The following LRFN5 variants were observed in gnomAD, a reference collection of about 807,000 sequenced individuals.
The protein encoded by LRFN5 is leucine-rich repeat and fibronectin type-III domain-containing protein 5.
A neutral mutation model predicts 45.6 loss-of-function variants in LRFN5; 24 were observed. That is an observed-to-expected ratio of 0.53 (90% CI 0.38 to 0.74). The LOEUF is 0.74. LRFN5 is among the 30% of genes least tolerant of loss of function. The probability of loss-of-function intolerance (pLI) is 0.00; values close to 1 mark genes in which losing one functional copy is unlikely to be tolerated. For synonymous variants in LRFN5, 340 were observed against 313.8 expected (o/e 1.08, Z -0.88); for missense variants, 776 against 861.5 (o/e 0.90, Z 1.24).
At chr14:41,685,011 A>G (rs1882059172) in intron 1 of LRFN5, among the ~76,000 whole-genome samples, 2 of 152,234 alleles carry the variant, frequency 1.3e-5, no homozygotes, top group South Asian at 2.1e-4. Flanking sequence ...ATATTTTTCA[A>G]AGAAAGACAT....
At chr14:41,734,316 T>TTATATATATATATATA (rs60855395) in intron 1 of LRFN5, among the ~76,000 whole-genome samples, 837 of 38,708 alleles carry the variant, frequency 0.022, 125 homozygotes, top group Non-Finnish European at 0.037. Context: ...TGGACTGGTT[T>TTATATATATATATATA]TATATATATA....
At chr14:41,852,240 T>C (rs188589045) in intron 2 of LRFN5, among the ~76,000 whole-genome samples, 13 of 152,074 alleles carry the variant, frequency 8.5e-5, no homozygotes, top group Admixed American at 3.3e-4. Flanking sequence ...CTCTCAGAAG[T>C]TGGCAAATAA....
chr14:41,609,045 T>A (rs1275686676), intron 1 of LRFN5, among the ~76,000 whole-genome samples: 2 of 152,206 alleles, frequency 1.3e-5, no homozygotes, highest in African/African-American at 4.8e-5. Flanking sequence ...TTGCCAGATC[T>A]TTTTAGTAGT....
intron 2 of LRFN5, among the ~76,000 whole-genome samples, chr14:41,820,085 T>A (rs543654404): frequency 6.6e-6 from 1 of 152,100 alleles, no homozygotes; most frequent in South Asian, 2.1e-4. Flanking sequence ...TACTGTTGAT[T>A]GTGTGTTTTG....
At chr14:41,882,537 T>G (rs914028547) in intron 2 of LRFN5, among the ~76,000 whole-genome samples, 8 of 152,180 alleles carry the variant, frequency 5.3e-5, no homozygotes, top group Non-Finnish European at 1.2e-4. Flanking sequence ...TCCTCAATTT[T>G]TTTCTCGTCT....
At chr14:41,698,421 A>G (rs556917700) in intron 1 of LRFN5, among the ~76,000 whole-genome samples, 1 of 152,206 alleles carries the variant, frequency 6.6e-6, no homozygotes, top group South Asian at 2.1e-4. Context: ...AATTTGAGCA[A>G]TGTATGGAAC....
rs1298147858 is a variant in LRFN5, at chr14:41,891,618, T to C, written c.1754T>C (p.Leu585Pro). 1.9e-6 allele frequency: 3 copies of C among 1,614,200 alleles called. No individual in the cohort carries two copies. In the South Asian group the frequency reaches 3.3e-5, roughly 18 times the overall value. Residue 585 changes from leucine to proline, a missense_variant, in exon 4 of 6, where the codon CTG (leucine) becomes CCG (proline). Physicochemically the swap from Leu to Pro is moderately conservative, Grantham distance 98. Transcript: ENST00000298119. ...CAAATACAAGGCTGTAGTGTAACGC[T>C]GCCCCAGTCCGTGTCCAAACAAGCT... ...GAQIQGCSVT[L>P]PQSVSKQAVG...
At chr14:41,670,111 A>T (rs1190682880) in intron 1 of LRFN5, among the ~76,000 whole-genome samples, 2 of 145,102 alleles carry the variant, frequency 1.4e-5, no homozygotes, top group African/African-American at 5.1e-5. Context: ...ATATCTATAC[A>T]TTCATATATA....
chr14:41,893,430 A>G (rs2139166437), intron 4 of LRFN5: 3 of 985,246 alleles, frequency 3.0e-6, no homozygotes, highest in South Asian at 9.4e-5. Context: ...CTGAGAACTG[A>G]CCCATTGCTT....
At chr14:41,645,634 G>A (rs1339015870) in intron 1 of LRFN5, among the ~76,000 whole-genome samples, 3 of 152,150 alleles carry the variant, frequency 2.0e-5, no homozygotes, top group Admixed American at 2.0e-4. Flanking sequence ...AAGCATTTAA[G>A]GTCACATGTT....
rs535070068 is a variant in LRFN5, at chr14:41,644,285, G to GC, written c.-197+35724dup. On this transcript the variant is annotated intron_variant, in intron 1 of 5. Transcript: ENST00000298119. ...TTTAAATCATTTGCATTTACAACAT[G>GC]CATGTAGGCAGATTCCAAGAGTTAT... 5.2e-3 allele frequency among the ~76,000 whole-genome samples: 797 copies of GC among 152,262 alleles called. 6 individuals carry two copies. Among genetic ancestry groups the GC allele is most frequent in the African/African-American group, 0.018 (748 of 41,562 alleles).
intron 1 of LRFN5, among the ~76,000 whole-genome samples, chr14:41,685,402 G>T (rs1193079123): frequency 2.0e-5 from 3 of 152,070 alleles, no homozygotes; most frequent in African/African-American, 7.2e-5. Context: ...AAACCCACAT[G>T]CCTATTACCA....
At chr14:41,744,359 A>G (rs1365378857) in intron 1 of LRFN5, among the ~76,000 whole-genome samples, 2 of 152,174 alleles carry the variant, frequency 1.3e-5, no homozygotes, top group East Asian at 3.9e-4. Flanking sequence ...CCCTGTCTCA[A>G]ATAAATGAAA....
At chr14:41,649,455 A>G (rs1257730110) in intron 1 of LRFN5, among the ~76,000 whole-genome samples, 1 of 152,212 alleles carries the variant, frequency 6.6e-6, no homozygotes, top group African/African-American at 2.4e-5. Context: ...CTATAATAAA[A>G]TGGTATAAGT....
chr14:41,725,131 T>G (rs1017585627), intron 1 of LRFN5, among the ~76,000 whole-genome samples: 1 of 152,202 alleles, frequency 6.6e-6, no homozygotes, highest in Admixed American at 6.5e-5. Flanking sequence ...CTTACATTAA[T>G]TCTCTCATTT....
chr14:41,673,495 G>C (rs1881360396), intron 1 of LRFN5, among the ~76,000 whole-genome samples: 1 of 144,938 alleles, frequency 6.9e-6, no homozygotes, highest in African/African-American at 2.6e-5. Flanking sequence ...GGGCAGAGGG[G>C]CTCCTCACTT....
chr14:41,842,884 G>A (rs921550777), intron 2 of LRFN5, among the ~76,000 whole-genome samples: 2 of 151,820 alleles, frequency 1.3e-5, no homozygotes, highest in African/African-American at 2.4e-5. Context: ...TATGCTGAAC[G>A]CCTATTTGCA....
At chr14:41,893,368 C>T (rs932937471) in intron 4 of LRFN5, 3 of 807,044 alleles carry the variant, frequency 3.7e-6, no homozygotes, top group Non-Finnish European at 4.2e-6. Context: ...GATCTATAAA[C>T]AGTTACCATC....
At chr14:41,850,088 A>C (rs1889212364) in intron 2 of LRFN5, among the ~76,000 whole-genome samples, 1 of 151,960 alleles carries the variant, frequency 6.6e-6, no homozygotes, top group South Asian at 2.1e-4. Context: ...TGTATAATAT[A>C]GTACATGTAT....
Sources: allele counts gnomAD v4.1 joint callset (sites outside exome capture counted in the v4.1 genomes callset), GRCh38; gene constraint gnomAD v4.1.1; transcripts MANE v1.5; gene names NCBI Gene and HGNC (gene_info 2026-07-23, HGNC 2026-07-21).